Variants in PSMB2 observed in about 807,000 individuals in gnomAD.
The protein encoded by PSMB2 is proteasome subunit beta type-2.
PSMB2 carries 13 observed loss-of-function variants against 25.7 expected under a neutral mutation model. That is an observed-to-expected ratio of 0.51 (90% confidence interval 0.33 to 0.80). The LOEUF (loss-of-function observed/expected upper bound fraction) is 0.80. Among genes scored for constraint, PSMB2 ranks in the 30% least tolerant of loss-of-function variants. The pLI is 0.02. For missense variants in PSMB2, 202 were observed against 259.0 expected, an observed-to-expected ratio of 0.78 and a Z score of 1.51; for synonymous variants, 87 against 96.2, an observed-to-expected ratio of 0.90 and a Z score of 0.56.
intron 4 of PSMB2, among the ~76,000 whole-genome samples, chr1:35,607,614 A>G (rs905699681): frequency 1.3e-5 from 2 of 152,242 alleles, no homozygotes; most frequent in African/African-American, 4.8e-5. Flanking sequence ...GGAGGACAGT[A>G]TGGCGGTCCC....
In PSMB2 at chr1:35,601,876, A is replaced by C. The variant is rs750390113; in HGVS notation, c.*1391T>G. The C allele has an allele frequency of 5.5e-5, 54 of 985,486 alleles. No homozygotes were observed. The highest frequency in any genetic ancestry group is 6.5e-5 in the Non-Finnish European group (54 of 829,938). The allele number at this position is 985,486 out of a possible 1,614,324, so 61.0% of individuals were successfully genotyped here. On this transcript the variant is annotated 3_prime_UTR_variant, in exon 6 of 6. Transcript: ENST00000373237. ...CCACAAAACATCCACATTGTTCCCT[A>C]AAGTTATGCTAAGAGTAAAACGAGT...
intron 3 of PSMB2, among the ~76,000 whole-genome samples, chr1:35,622,851 T>C (rs892815051): frequency 6.6e-6 from 1 of 151,968 alleles, no homozygotes; most frequent in Non-Finnish European, 1.5e-5. Flanking sequence ...AAAAATTTCC[T>C]GATAAAGCCA....
intron 4 of PSMB2, among the ~76,000 whole-genome samples, chr1:35,606,501 A>T (rs1276447418): frequency 1.3e-5 from 2 of 152,234 alleles, no homozygotes; most frequent in Non-Finnish European, 2.9e-5. Context: ...AGGAGATGAA[A>T]GACCTCTATA....
intron 3 of PSMB2, among the ~76,000 whole-genome samples, chr1:35,628,453 G>T (rs1005710303): frequency 7.3e-5 from 11 of 150,652 alleles, no homozygotes; most frequent in African/African-American, 2.7e-4. Context: ...ATCGTACATG[G>T]CAAGTCATAA....
In PSMB2 at chr1:35,609,337, G is replaced by A; in HGVS notation, c.357C>T (p.Asp119=). ...GGGCCTTGGCCAAGGCTGCCAGGTA[G>A]TCCATGTAATACAGCGCTGGCCCTT... The part of the protein sequence containing the change: ...EHEGPALYYM[D]YLAALAKAPF... Residue 119 remains aspartate (D), a synonymous_variant, in exon 4 of 6, where the codon GAC becomes GAT. Transcript: ENST00000373237. 6.2e-7 allele frequency: 1 copy of A among 1,613,456 alleles called. No individual in the cohort carries two copies. The highest frequency in any genetic ancestry group is 8.5e-7 in the Non-Finnish European group (1 of 1,179,694).
chr1:35,617,983 T>C (rs16866315), intron 3 of PSMB2, among the ~76,000 whole-genome samples: 5,877 of 152,260 alleles, frequency 0.039, 361 homozygotes, highest in African/African-American at 0.12. Flanking sequence ...TTCTCTTAAA[T>C]AGAAGACTTT....
chr1:35,616,918 C>T (rs141036100), intron 3 of PSMB2, among the ~76,000 whole-genome samples: 2 of 152,172 alleles, frequency 1.3e-5, no homozygotes, highest in East Asian at 3.9e-4. Flanking sequence ...ATTTCAAACA[C>T]CTAAAAAAAT....
chr1:35,637,902 CTA>C (rs1651290236), intron 1 of PSMB2, among the ~76,000 whole-genome samples: 1 of 152,210 alleles, frequency 6.6e-6, no homozygotes, highest in African/African-American at 2.4e-5. Flanking sequence ...AGGGTATATT[CTA>C]AGTGCTTGCC....
In PSMB2 at chr1:35,631,322, T is replaced by G. The variant is rs778061230; in HGVS notation, c.237A>C (p.Ala79=). ...GGTTTCGGCGTGTGAAGTTAGCTGC[T>G]GCCGTGGGAGACAATTCATATCCTG... ...MRNGYELSPT[A]AANFTRRNLA... The change falls in exon 3 of 6, where the codon GCA becomes GCC. Residue 79 remains alanine (A), a synonymous_variant. Coordinates refer to ENST00000373237, the MANE Select transcript of PSMB2 (RefSeq NM_002794.5). 110 of 1,614,186 alleles carry G rather than the reference T, an allele frequency of 6.8e-5. 1 individual carries two copies. The Middle Eastern group carries it at 3.1e-3, about 46-fold the overall frequency.
chr1:35,610,757 G>C (rs2148564458), intron 3 of PSMB2, among the ~76,000 whole-genome samples: 2 of 152,304 alleles, frequency 1.3e-5, no homozygotes, highest in South Asian at 4.1e-4. Context: ...GCCTCCCAAA[G>C]TGCTGGGATT....
chr1:35,634,982 G>A (rs920438384), intron 2 of PSMB2, among the ~76,000 whole-genome samples: 5 of 151,970 alleles, frequency 3.3e-5, no homozygotes, highest in African/African-American at 7.2e-5. Flanking sequence ...GTAGAAGGCC[G>A]GGCGTGGTGG....
chr1:35,632,183 C>A (rs370757917), intron 2 of PSMB2, among the ~76,000 whole-genome samples: 32 of 152,332 alleles, frequency 2.1e-4, no homozygotes, highest in African/African-American at 7.7e-4. Context: ...ACATTTCCAT[C>A]ATTCTGCAGT....
Position 35,600,788 on chromosome 1 carries a change from C to A in PSMB2, c.*2479G>T. On this transcript the variant is annotated 3_prime_UTR_variant, in exon 6 of 6. Transcript: ENST00000373237. Reference sequence around the variant, plus strand: ...CCTGAGATTGCCCTGGGGACACTTACATTCAAAGGCAGAGAACCGTATGTC... The same window carrying A: ...CCTGAGATTGCCCTGGGGACACTTAAATTCAAAGGCAGAGAACCGTATGTC... The A allele has an allele frequency of 1.0e-6, 1 of 985,418 alleles. No homozygotes were observed. The highest frequency in any genetic ancestry group is 1.2e-6 in the Non-Finnish European group (1 of 829,932). 61.0% of individuals were successfully genotyped at this position (985,418 alleles called of 1,614,324 possible).
intron 3 of PSMB2, among the ~76,000 whole-genome samples, chr1:35,630,026 T>C (rs1476178944): frequency 6.6e-6 from 1 of 151,620 alleles, no homozygotes; most frequent in Non-Finnish European, 1.5e-5. Context: ...AAATACAAAA[T>C]TAGCTGGGCG....
intron 2 of PSMB2, among the ~76,000 whole-genome samples, chr1:35,635,443 C>A (rs1651218841): frequency 6.6e-6 from 1 of 152,028 alleles, no homozygotes; most frequent in Non-Finnish European, 1.5e-5. Flanking sequence ...ATCAGTGTTA[C>A]AACAGTTCTC....
chr1:35,630,817 C>T (rs748399368), intron 3 of PSMB2, among the ~76,000 whole-genome samples: 1 of 152,144 alleles, frequency 6.6e-6, no homozygotes, highest in Non-Finnish European at 1.5e-5. Flanking sequence ...CAAAAGTAAA[C>T]CCTAATGTAA....
chr1:35,625,270 C>T lies in PSMB2; in HGVS notation c.285+6004G>A, dbSNP rs797010634. Among the ~76,000 whole-genome samples, 4 of 152,114 alleles carry T rather than the reference C, an allele frequency of 2.6e-5. No individual in the cohort carries two copies. In the South Asian group the frequency reaches 6.2e-4, roughly 24 times the overall value. ...ACTTCGGAAAAAGTTCTAATGAAAA[C>T]TCTTTGGCCAGTGTGGCAGTGAAAC... On this transcript the variant is annotated intron_variant, in intron 3 of 5. Transcript: ENST00000373237.
At chr1:35,603,779 G>A (rs1269960597) in intron 5 of PSMB2, among the ~76,000 whole-genome samples, 1 of 152,218 alleles carries the variant, frequency 6.6e-6, no homozygotes, top group Non-Finnish European at 1.5e-5. Context: ...GCCAGGAGCT[G>A]TGGCTCAGGC....
rs1390222760 is a variant in PSMB2 at position 35,599,895 on chromosome 1, G to A, written c.*3372C>T. On this transcript the variant is annotated 3_prime_UTR_variant, in exon 6 of 6. Coordinates refer to ENST00000373237, the MANE Select transcript of PSMB2 (RefSeq NM_002794.5). The stretch of plus-strand genomic sequence containing the variant: ...CATCTGTAATCCCAGTGCTTTGGCA[G>A]ACCAAGGTGGGAGGATCACTTGAGG... The A allele has an allele frequency of 1.3e-5, 12 of 946,934 alleles. No homozygotes were observed. In the Admixed American group the frequency reaches 1.9e-4, roughly 15 times the overall value. 58.7% of individuals were successfully genotyped at this position (946,934 alleles called of 1,614,324 possible).
Sources: gnomAD v4.1 joint callset for allele counts (sites outside exome capture counted in the v4.1 genomes callset) on GRCh38, gnomAD v4.1.1 for gene constraint, MANE v1.5 for transcripts, NCBI Gene and HGNC (gene_info 2026-07-23, HGNC 2026-07-21) for gene names.